AK8: variants seen among roughly 807,000 people sequenced by gnomAD.
AK8 encodes adenylate kinase 8, also known as ATP-AMP transphosphorylase 8.
AK8 carries 44 observed loss-of-function variants against 54.6 expected under a neutral mutation model. The observed-to-expected ratio is 0.81, with a 90% CI of 0.63 to 1.04. The LOEUF is 1.04. Ranked by LOEUF, AK8 falls within the 50% of genes least tolerant of loss-of-function variation. The probability of loss-of-function intolerance (pLI) is 0.00; values close to 1 mark genes in which losing one functional copy is unlikely to be tolerated. For missense variants in AK8, 555 were observed against 613.6 expected (o/e 0.90, Z 1.01); for synonymous variants, 239 against 245.6 (o/e 0.97, Z 0.25).
chr9:132,770,376 T>G lies in AK8; in HGVS notation c.1121+22258A>C, dbSNP rs529970396. Among the ~76,000 whole-genome samples, 32 of 151,666 alleles carry G rather than the reference T, an allele frequency of 2.1e-4. No homozygotes were observed. Among genetic ancestry groups the G allele is most frequent in the Non-Finnish European group, 3.1e-4 (21 of 67,824 alleles). ...GCCATGAGGACCGCGCTCGATGGCGTCCAGGGGCCTCTGGGTTTGACTTTC... is the reference window on the plus strand; with the variant it reads ...GCCATGAGGACCGCGCTCGATGGCGGCCAGGGGCCTCTGGGTTTGACTTTC... On this transcript the variant is annotated intron_variant, in intron 11 of 12. Transcript: ENST00000298545. This position sits in a 1 kb window ranked among gnomAD's most constrained non-coding sequence, Gnocchi z 4.3.
Position 132,725,911 on chromosome 9 carries a change from T to C in AK8, c.1217A>G (p.Tyr406Cys). Residue 406 changes from tyrosine (Y) to cysteine (C), a missense_variant, in exon 13 of 13, where the codon TAC (tyrosine) becomes TGC (cysteine). By Grantham distance (194) the Tyr-to-Cys change is radical. Coordinates refer to ENST00000298545, the MANE Select transcript of AK8 (RefSeq NM_152572.3). ...GATCTCCATGGTGGGAGGTGGCTTG[T>C]ACATGAGGTGGTACCTGCAAGGGAG... is the stretch of plus-strand genomic sequence containing the variant. ...PVTGERYHLMYKPPPTMEIQA... is the reference protein window; with the variant it reads ...PVTGERYHLMCKPPPTMEIQA... 1 of 1,611,526 alleles carries C rather than the reference T, an allele frequency of 6.2e-7. No homozygotes were observed. The highest frequency in any genetic ancestry group is 1.1e-5 in the South Asian group (1 of 90,426).
intron 5 of AK8, among the ~76,000 whole-genome samples, chr9:132,845,354 C>A (rs951754797): frequency 1.3e-5 from 2 of 152,224 alleles, no homozygotes; most frequent in African/African-American, 2.4e-5. Flanking sequence ...CAATAGACTT[C>A]ATCATCATTT....
At chr9:132,844,138 G>A (rs779908588) in intron 5 of AK8, among the ~76,000 whole-genome samples, 4 of 151,768 alleles carry the variant, frequency 2.6e-5, no homozygotes, top group Non-Finnish European at 5.9e-5. Flanking sequence ...CTGAGGATTC[G>A]GGCACATTCT....
intron 10 of AK8, among the ~76,000 whole-genome samples, chr9:132,795,440 T>C (rs1840121827): frequency 6.6e-6 from 1 of 152,208 alleles, no homozygotes; most frequent in South Asian, 2.1e-4. Context: ...GTCTGTCCTC[T>C]GATCCAGAGA....
At chr9:132,743,528 C>G (rs1837494177) in intron 11 of AK8, among the ~76,000 whole-genome samples, 1 of 152,232 alleles carries the variant, frequency 6.6e-6, no homozygotes, top group Non-Finnish European at 1.5e-5. Context: ...GATTCCCCAG[C>G]CTTGACTTCT....
intron 11 of AK8, among the ~76,000 whole-genome samples, chr9:132,764,626 A>T (rs1475643232): frequency 6.6e-6 from 1 of 152,212 alleles, no homozygotes; most frequent in Non-Finnish European, 1.5e-5. Context: ...AGAAATAGTA[A>T]AACTGAACAA....
At chr9:132,875,714 C>T (rs1404428763) in intron 1 of AK8, among the ~76,000 whole-genome samples, 1 of 152,224 alleles carries the variant, frequency 6.6e-6, no homozygotes, top group Non-Finnish European at 1.5e-5. Context: ...CCACGCCTCA[C>T]CCTGTCCCTA....
chr9:132,793,487 A>G (rs1840030932), intron 10 of AK8, among the ~76,000 whole-genome samples: 2 of 152,258 alleles, frequency 1.3e-5, no homozygotes, highest in East Asian at 3.9e-4. Context: ...GCGCCCCCAA[A>G]GCTCTCTGCC....
chr9:132,838,655 A>G (rs1398057940), intron 5 of AK8, among the ~76,000 whole-genome samples: 1 of 152,220 alleles, frequency 6.6e-6, no homozygotes, highest in Non-Finnish European at 1.5e-5. Flanking sequence ...TTTTTCTTCT[A>G]GGTAATGTAT....
intron 11 of AK8, among the ~76,000 whole-genome samples, chr9:132,748,866 A>C (rs963401758): frequency 6.6e-6 from 1 of 151,728 alleles, no homozygotes; most frequent in African/African-American, 2.4e-5. Flanking sequence ...GAAGTGGCTA[A>C]GTTGTGTTTG....
At chr9:132,865,824 TA>T (rs1843570400) in intron 3 of AK8, among the ~76,000 whole-genome samples, 1 of 149,218 alleles carries the variant, frequency 6.7e-6, no homozygotes, top group South Asian at 2.1e-4. Flanking sequence ...AAAATAAAAA[TA>T]AAAATAAAAA....
intron 10 of AK8, among the ~76,000 whole-genome samples, chr9:132,804,398 C>T (rs770019242): frequency 1.2e-4 from 19 of 152,116 alleles, no homozygotes; most frequent in Non-Finnish European, 2.4e-4. Context: ...CCAGATGAGG[C>T]CATCTCATCT....
intron 11 of AK8, among the ~76,000 whole-genome samples, chr9:132,738,795 C>G (rs970847675): frequency 6.6e-6 from 1 of 151,288 alleles, no homozygotes; most frequent in South Asian, 2.1e-4. Context: ...ACTCTGCCCC[C>G]CCAGGCTGGA....
At chr9:132,829,122 A>C (rs1004421045) in intron 5 of AK8, among the ~76,000 whole-genome samples, 1 of 152,018 alleles carries the variant, frequency 6.6e-6, no homozygotes, top group African/African-American at 2.4e-5. Flanking sequence ...ACACCCGGCT[A>C]ATTTTTTGTA....
intron 11 of AK8, among the ~76,000 whole-genome samples, chr9:132,785,820 A>G (rs1588128732): frequency 6.6e-6 from 1 of 152,366 alleles, no homozygotes; most frequent in East Asian, 1.9e-4. Context: ...AAAAAATAAG[A>G]GAAGCAAAAT....
In AK8 at chr9:132,803,344, C is replaced by T. The variant is rs114679058; in HGVS notation, c.980-10569G>A. Among the ~76,000 whole-genome samples the T allele has an allele frequency of 2.2e-4, 33 of 152,078 alleles. No individual in the cohort carries two copies. Among genetic ancestry groups the T allele is most frequent in the African/African-American group, 8.0e-4 (33 of 41,480 alleles). ...TCCCAGTTACCGCAGGGACTAGGTC[C>T]CCAAAGCTGGTAGCAGTCATGGGAA... On this transcript the variant is annotated intron_variant, in intron 10 of 12. Transcript: ENST00000298545. The surrounding 1 kb of genome is among the most constrained non-coding windows in gnomAD (Gnocchi z 4.4).
chr9:132,811,804 C>A (rs1182709645), intron 10 of AK8, among the ~76,000 whole-genome samples: 1 of 152,184 alleles, frequency 6.6e-6, no homozygotes, highest in Non-Finnish European at 1.5e-5. Context: ...TTTCTCCATA[C>A]AAGAGTGTGC....
chr9:132,810,587 T>C (rs745313999), intron 10 of AK8, among the ~76,000 whole-genome samples: 7 of 152,170 alleles, frequency 4.6e-5, no homozygotes, highest in Admixed American at 6.5e-5. Flanking sequence ...ATGGTGCCCA[T>C]ATCTGATGAT....
chr9:132,795,941 A>C (rs1840152429), intron 10 of AK8, among the ~76,000 whole-genome samples: 1 of 152,144 alleles, frequency 6.6e-6, no homozygotes, highest in Non-Finnish European at 1.5e-5. Flanking sequence ...AATTATTTGG[A>C]CCAAATATTT....
Sources: gnomAD v4.1 joint callset for allele counts (sites outside exome capture counted in the v4.1 genomes callset) on GRCh38, gnomAD v4.1.1 for gene constraint, Gnocchi (gnomAD v3.1) non-coding constraint, MANE v1.5 for transcripts, NCBI Gene and HGNC (gene_info 2026-07-23, HGNC 2026-07-21) for gene names.